TAS2R1: variants seen among roughly 807,000 people sequenced by gnomAD.
TAS2R1 encodes taste receptor type 2 member 1.
For synonymous variants in TAS2R1, 141 were observed against 134.2 expected (o/e 1.05, Z -0.35); for missense variants, 370 against 353.4 (o/e 1.05, Z -0.38).
the TAS2R1 span, among the ~76,000 whole-genome samples, chr5:9,898,822 A>G: frequency 2.6e-5 from 4 of 152,328 alleles, no homozygotes; most frequent in South Asian, 4.1e-4. Flanking sequence ...GGGCCTGGAC[A>G]GGGATTAACC....
chr5:9,668,926 G>C (rs1379833594), intron 1 of TAS2R1, among the ~76,000 whole-genome samples: 3 of 151,904 alleles, frequency 2.0e-5, no homozygotes, highest in Non-Finnish European at 2.9e-5. Flanking sequence ...TATTAACCTT[G>C]AATTTAAATG....
the TAS2R1 span, among the ~76,000 whole-genome samples, chr5:9,767,029 C>T: frequency 6.6e-6 from 1 of 152,120 alleles, no homozygotes; most frequent in Non-Finnish European, 1.5e-5. Flanking sequence ...TGGATGGAGC[C>T]CAAATCCATC....
intron 1 of TAS2R1, among the ~76,000 whole-genome samples, chr5:9,682,169 C>T (rs1275819722): frequency 6.6e-6 from 1 of 152,166 alleles, no homozygotes; most frequent in Admixed American, 6.5e-5. Context: ...TAATACCTAA[C>T]ACTATTTTTC....
At chr5:9,731,919 G>A in the TAS2R1 span, among the ~76,000 whole-genome samples, 2 of 152,310 alleles carry the variant, frequency 1.3e-5, no homozygotes, top group Middle Eastern at 3.4e-3. Context: ...TGCTAGTTAT[G>A]GTTAACGCTG....
the TAS2R1 span, among the ~76,000 whole-genome samples, chr5:9,832,310 C>T: frequency 6.6e-6 from 1 of 152,198 alleles, no homozygotes; most frequent in Non-Finnish European, 1.5e-5. Context: ...TGAGGTTAAG[C>T]AGAGTCCAAC....
At chr5:9,645,955 G>A (rs1474896481) in intron 2 of TAS2R1, among the ~76,000 whole-genome samples, 19 of 152,062 alleles carry the variant, frequency 1.2e-4, no homozygotes, top group African/African-American at 3.1e-4. Flanking sequence ...GGCTTGAGAC[G>A]GTTTTTTGTC....
the TAS2R1 span, among the ~76,000 whole-genome samples, chr5:9,738,366 C>T: frequency 3.9e-5 from 6 of 152,106 alleles, no homozygotes; most frequent in African/African-American, 1.4e-4. Flanking sequence ...ACAGCTGTCA[C>T]GTTTCCTGAT....
chr5:9,719,874 C>T, the TAS2R1 span, among the ~76,000 whole-genome samples: 2 of 143,888 alleles, frequency 1.4e-5, no homozygotes, highest in East Asian at 2.1e-4. Flanking sequence ...GCCGAGATCG[C>T]ACCACTGCAC....
the TAS2R1 span, among the ~76,000 whole-genome samples, chr5:9,722,777 A>G: frequency 6.9e-3 from 1,046 of 152,358 alleles, 16 homozygotes; most frequent in African/African-American, 0.024. Context: ...GAGCAAGCAT[A>G]TTCACAACCC....
chr5:9,794,842 T>C, the TAS2R1 span, among the ~76,000 whole-genome samples: 3 of 152,218 alleles, frequency 2.0e-5, no homozygotes, highest in East Asian at 1.9e-4. Flanking sequence ...GCTGTGGAGA[T>C]ACAGCCTTTC....
At chr5:9,772,681 G>A in the TAS2R1 span, among the ~76,000 whole-genome samples, 1 of 152,100 alleles carries the variant, frequency 6.6e-6, no homozygotes, top group Non-Finnish European at 1.5e-5. Context: ...GGGTGTTCCA[G>A]TGTTGGGTGC....
chr5:9,870,015 T>C, the TAS2R1 span: 1 of 152,234 alleles, frequency 6.6e-6, no homozygotes, highest in Non-Finnish European at 1.5e-5. Context: ...GTTCTCAATC[T>C]TTCAACAGCA....
At chr5:9,783,639 G>C in the TAS2R1 span, among the ~76,000 whole-genome samples, 1 of 152,052 alleles carries the variant, frequency 6.6e-6, no homozygotes. Context: ...AGAATTTTGT[G>C]CTTTTTTAAT....
At chr5:9,887,765 C>T in the TAS2R1 span, among the ~76,000 whole-genome samples, 1 of 152,160 alleles carries the variant, frequency 6.6e-6, no homozygotes, top group African/African-American at 2.4e-5. Context: ...TGAACAAGTG[C>T]AATCTGTTAT....
the TAS2R1 span, among the ~76,000 whole-genome samples, chr5:9,798,953 C>T: frequency 6.6e-6 from 1 of 152,214 alleles, no homozygotes; most frequent in African/African-American, 2.4e-5. Context: ...GACTACCTCT[C>T]AGGCAGGCAT....
intron 1 of TAS2R1, among the ~76,000 whole-genome samples, chr5:9,703,721 T>C (rs75802663): frequency 1.4e-3 from 217 of 152,226 alleles, no homozygotes; most frequent in African/African-American, 4.9e-3. Flanking sequence ...CCTGTCACTC[T>C]CCATGTGAAG....
intron 1 of TAS2R1, among the ~76,000 whole-genome samples, chr5:9,696,151 T>G (rs1309820042): frequency 6.6e-6 from 1 of 152,140 alleles, no homozygotes; most frequent in Non-Finnish European, 1.5e-5. Context: ...AATTTTAGTA[T>G]TACCTTTAAA....
At chr5:9,755,961 T>C in the TAS2R1 span, among the ~76,000 whole-genome samples, 1 of 152,228 alleles carries the variant, frequency 6.6e-6, no homozygotes, top group South Asian at 2.1e-4. Context: ...CTTTATGACC[T>C]GTATTTTGTT....
intron 1 of TAS2R1, among the ~76,000 whole-genome samples, chr5:9,690,034 C>A (rs1033400390): frequency 6.6e-6 from 1 of 152,118 alleles, no homozygotes; most frequent in Non-Finnish European, 1.5e-5. Flanking sequence ...TTAATTGAAT[C>A]TTTTCTAAAC....
Sources: gnomAD v4.1 joint callset for allele counts (sites outside exome capture counted in the v4.1 genomes callset) on GRCh38, gnomAD v4.1.1 for gene constraint, MANE v1.5 for transcripts, NCBI Gene and HGNC (gene_info 2026-07-23, HGNC 2026-07-21) for gene names.